Variants in GPHN observed in about 807,000 individuals in gnomAD.
GPHN encodes the protein gephyrin.
Under a neutral mutation model 95.5 loss-of-function variants are expected in GPHN, and 17 were observed. The observed-to-expected ratio is 0.18, with a 90% CI of 0.12 to 0.27. The LOEUF (loss-of-function observed/expected upper bound fraction) is 0.27, where lower values mean the gene tolerates loss of function less well. Ranked by LOEUF, GPHN falls within the 10% of genes least tolerant of loss-of-function variation. The pLI is 1.00. For synonymous variants in GPHN, 320 were observed against 322.5 expected (o/e 0.99, Z 0.08); for missense variants, 660 against 978.1 (o/e 0.67, Z 4.34).
the GPHN span, among the ~76,000 whole-genome samples, chr14:67,523,738 T>A: frequency 1.3e-5 from 2 of 152,270 alleles, no homozygotes; most frequent in Admixed American, 1.3e-4. Flanking sequence ...TAAAAGATTC[T>A]GCCTTTCTTT....
chr14:66,600,469 G>A lies in GPHN; in HGVS notation c.65-80638G>A, dbSNP rs1397918213. The stretch of plus-strand genomic sequence containing the variant: ...GCTCTTACTGGAATTACAATGTTAG[G>A]TTCCTGTAAGCCTCTGGTCACAACA... On this transcript the variant is annotated intron_variant, in intron 1 of 22. Transcript: ENST00000478722. Among the ~76,000 whole-genome samples the A allele has an allele frequency of 2.0e-5, 3 of 152,056 alleles. No individual in the cohort carries two copies. The East Asian group carries it at 5.8e-4, about 29-fold the overall frequency.
chr14:66,715,602 G>T (rs983446262), intron 2 of GPHN, among the ~76,000 whole-genome samples: 1 of 152,082 alleles, frequency 6.6e-6, no homozygotes, highest in Non-Finnish European at 1.5e-5. Context: ...CAGTCTTTTT[G>T]ATGTAGGTGT....
At chr14:67,726,509 C>A in the GPHN span, among the ~76,000 whole-genome samples, 3 of 152,136 alleles carry the variant, frequency 2.0e-5, no homozygotes, top group Admixed American at 2.0e-4. Context: ...GCCAACCAAG[C>A]CATGGGTTGG....
rs181586767 is a variant in GPHN, at chr14:66,825,701, A to C, written c.294+1135A>C. 1.1e-4 allele frequency among the ~76,000 whole-genome samples: 16 copies of C among 152,366 alleles called. No individual in the cohort carries two copies. In the East Asian group the frequency reaches 3.1e-3, roughly 29 times the overall value. ...TTCCTCTATATAAAAACCGTGGTACATAAACTTTTGATATTATTATAATTA... is the reference window on the plus strand; with the variant it reads ...TTCCTCTATATAAAAACCGTGGTACCTAAACTTTTGATATTATTATAATTA... On this transcript the variant is annotated intron_variant, in intron 4 of 22. Coordinates refer to ENST00000478722, the MANE Select transcript of GPHN (RefSeq NM_020806.5).
At chr14:67,325,229 A>G in the GPHN span, among the ~76,000 whole-genome samples, 1 of 152,086 alleles carries the variant, frequency 6.6e-6, no homozygotes, top group Non-Finnish European at 1.5e-5. Flanking sequence ...ACTGTCCACC[A>G]CAACACATTA....
the GPHN span, among the ~76,000 whole-genome samples, chr14:67,193,445 A>G: frequency 7.0e-6 from 1 of 143,068 alleles, no homozygotes; most frequent in Non-Finnish European, 1.5e-5. Context: ...ATCTAGATAC[A>G]GATCTCTATA....
At chr14:67,074,124 G>A (rs1046680393) in intron 11 of GPHN, among the ~76,000 whole-genome samples, 15 of 151,736 alleles carry the variant, frequency 9.9e-5, no homozygotes, top group Admixed American at 2.6e-4. Context: ...ATAAATAGCC[G>A]TGAAACTTTC....
At chr14:67,668,954 A>G in the GPHN span, among the ~76,000 whole-genome samples, 3 of 151,588 alleles carry the variant, frequency 2.0e-5, no homozygotes, top group Non-Finnish European at 2.9e-5. Context: ...AGTACTCTGG[A>G]AAAAAAAAGG....
chr14:67,231,758 G>A, the GPHN span, among the ~76,000 whole-genome samples: 16 of 151,956 alleles, frequency 1.1e-4, no homozygotes, highest in African/African-American at 3.6e-4. Flanking sequence ...ACTTGAGGTC[G>A]GAGTTAGAGA....
the GPHN span, among the ~76,000 whole-genome samples, chr14:67,513,168 C>T: frequency 2.0e-5 from 3 of 152,314 alleles, no homozygotes; most frequent in South Asian, 2.1e-4. Context: ...GAACATGCCA[C>T]GGAAAAGCCC....
chr14:67,575,743 A>T, the GPHN span: 1 of 1,056,824 alleles, frequency 9.5e-7, no homozygotes, highest in Non-Finnish European at 1.4e-6. Context: ...TCCCAGCTTC[A>T]CGGAGCCTAT....
chr14:66,698,615 C>T (rs914627015), intron 2 of GPHN, among the ~76,000 whole-genome samples: 1 of 152,168 alleles, frequency 6.6e-6, no homozygotes, highest in African/African-American at 2.4e-5. Context: ...TTTGTTAGAA[C>T]ACAGTCTTAC....
chr14:66,814,555 A>G (rs1404121327), intron 3 of GPHN, among the ~76,000 whole-genome samples: 1 of 152,232 alleles, frequency 6.6e-6, no homozygotes, highest in Non-Finnish European at 1.5e-5. Context: ...TTGGCCTCCT[A>G]AAATGTTCCA....
At chr14:67,282,381 G>A in the GPHN span, among the ~76,000 whole-genome samples, 1 of 152,042 alleles carries the variant, frequency 6.6e-6, no homozygotes, top group South Asian at 2.1e-4. Flanking sequence ...ATGGGCAACT[G>A]ATTTATTTCT....
intron 9 of GPHN, among the ~76,000 whole-genome samples, chr14:67,009,047 A>T (rs1274841187): frequency 1.3e-5 from 2 of 152,190 alleles, no homozygotes; most frequent in Non-Finnish European, 2.9e-5. Context: ...CATTTACATT[A>T]ACCCACTTTC....
At chr14:66,650,341 A>G (rs1386435830) in intron 1 of GPHN, among the ~76,000 whole-genome samples, 1 of 152,180 alleles carries the variant, frequency 6.6e-6, no homozygotes, top group East Asian at 1.9e-4. Context: ...AGCAATTACT[A>G]AAGGCCACTA....
intron 1 of GPHN, among the ~76,000 whole-genome samples, chr14:66,574,044 T>C (rs2060807986): frequency 6.6e-6 from 1 of 152,244 alleles, no homozygotes; most frequent in Non-Finnish European, 1.5e-5. Context: ...GATATGCTAC[T>C]ACTAACTTTG....
At chr14:66,755,512 C>A (rs1386277978) in intron 2 of GPHN, among the ~76,000 whole-genome samples, 1 of 151,948 alleles carries the variant, frequency 6.6e-6, no homozygotes, top group Admixed American at 6.5e-5. Flanking sequence ...TTCTTTGGCT[C>A]TTTGAGATGT....
the GPHN span, among the ~76,000 whole-genome samples, chr14:67,540,869 C>A: frequency 6.6e-6 from 1 of 152,292 alleles, no homozygotes; most frequent in African/African-American, 2.4e-5. Flanking sequence ...ATGCATCCTT[C>A]TTCCTTTTCT....
Sources: allele counts gnomAD v4.1 joint callset (sites outside exome capture counted in the v4.1 genomes callset), GRCh38; gene constraint gnomAD v4.1.1; transcripts MANE v1.5; gene names NCBI Gene and HGNC (gene_info 2026-07-23, HGNC 2026-07-21).